Variants in ELOB observed in about 807,000 individuals in gnomAD.
ELOB encodes elongin B.
ELOB carries 3 observed loss-of-function variants against 12.9 expected under a neutral mutation model. That is an observed-to-expected ratio of 0.23 (90% CI 0.11 to 0.60). ELOB has a LOEUF of 0.60. ELOB is among the 20% of genes least tolerant of loss of function. The pLI, the probability that ELOB is intolerant of heterozygous loss-of-function variation, is 0.89. For missense variants in ELOB, 126 were observed against 159.2 expected (o/e 0.79, Z 1.12); for synonymous variants, 84 against 67.4 (o/e 1.25, Z -1.21).
intron 3 of ELOB, among the ~76,000 whole-genome samples, chr16:2,772,704 CA>C (rs545817204): frequency 5.0e-4 from 71 of 141,814 alleles, no homozygotes; most frequent in Non-Finnish European, 4.7e-4. Flanking sequence ...GACTCCATCT[CA>C]AAAAAAAAAA....
intron 3 of ELOB, among the ~76,000 whole-genome samples, chr16:2,772,910 G>A (rs2068774358): frequency 1.3e-5 from 2 of 152,004 alleles, no homozygotes; most frequent in African/African-American, 2.4e-5. Flanking sequence ...CCCAGCACTC[G>A]GAATGGCTGG....
chr16:2,773,767 G>C (rs3094785), intron 3 of ELOB, among the ~76,000 whole-genome samples: 121,075 of 152,140 alleles, frequency 0.8, 48,698 homozygotes, highest in Admixed American at 0.85. Flanking sequence ...CCTTAGCCTT[G>C]ATTTTCTCAT....
In ELOB at chr16:2,777,004, G is replaced by A. The variant is rs772040977; in HGVS notation, c.127C>T (p.Arg43Trp). ...GILKRPPDEQ[R>W]LYKDDQLLDD... The stretch of plus-strand genomic sequence containing the variant: ...CCCGCGGGACCCACCTTGTACAGCC[G>A]CTGCTCGTCAGGAGGCCGCTTGAGG... The change falls in exon 2 of 4, where the codon CGG becomes TGG. Residue 43 changes from arginine to tryptophan, a missense_variant. Coordinates refer to ENST00000409906, the MANE Select transcript of ELOB (RefSeq NM_007108.4). 1.3e-6 allele frequency: 2 copies of A among 1,586,598 alleles called. No individual in the cohort carries two copies. The highest frequency in any genetic ancestry group is 1.7e-6 in the Non-Finnish European group (2 of 1,168,592).
intron 2 of ELOB, among the ~76,000 whole-genome samples, chr16:2,776,384 C>A (rs1440153677): frequency 6.6e-6 from 1 of 152,198 alleles, no homozygotes; most frequent in East Asian, 1.9e-4. Context: ...AAATCAGAGG[C>A]TGATGCATCT....
chr16:2,775,653 GAGAGTTCCCTCAGTGTGGCC>G (rs1240534438), intron 2 of ELOB, 97 bp from the exon 3 acceptor site: 12 of 905,070 alleles, frequency 1.3e-5, no homozygotes, highest in Non-Finnish European at 2.0e-5. Flanking sequence ...GGAGGGAAGA[GAGAGTTCCCTCAGTGTGGCC>G]CAGGACCACC....
chr16:2,772,813 C>G (rs776479917), intron 3 of ELOB, among the ~76,000 whole-genome samples: 1 of 151,536 alleles, frequency 6.6e-6, no homozygotes, highest in Non-Finnish European at 1.5e-5. Flanking sequence ...CCGTCTGTCT[C>G]TCCCTCTGCT....
chr16:2,772,308 C>T, intron 3 of ELOB: 1 of 479,224 alleles, frequency 2.1e-6, no homozygotes, highest in South Asian at 3.7e-5. Flanking sequence ...TGGGCCCAAC[C>T]TGAAGGTCCC....
rs1164075879 is a variant in ELOB at position 2,775,448 on chromosome 16, C to T, written c.244+3G>A. The T allele has an allele frequency of 1.3e-6, 2 of 1,596,472 alleles. No homozygotes were observed. Among genetic ancestry groups the T allele is most frequent in the Non-Finnish European group, 1.7e-6 (2 of 1,177,634 alleles). On this transcript the variant is annotated splice_donor_region_variant and intron_variant, in intron 3 of 3. Coordinates refer to ENST00000409906, the MANE Select transcript of ELOB (RefSeq NM_007108.4). ...CCAGCCCAGTGGGTGGTGGGCCTCT[C>T]ACCTGCCCGGAAGGCCAGCCCCACT...
intron 2 of ELOB, among the ~76,000 whole-genome samples, 170 bp downstream of exon 2, chr16:2,776,823 C>CCGCGGCGAG (rs1470760473): frequency 6.6e-6 from 1 of 152,210 alleles, no homozygotes; most frequent in Non-Finnish European, 1.5e-5. Flanking sequence ...CCGGAGATCC[C>CCGCGGCGAG]CGCGGCGAGC....
rs529103886 is a variant in ELOB at position 2,774,232 on chromosome 16, AAAC to A, written c.244+1216_244+1218del. ...ACAACGGAGTGCGACTCTGTCTCAG[AAAC>A]AACAACAACAAAAATGCACCCATGT... On this transcript the variant is annotated intron_variant, in intron 3 of 3. Coordinates refer to ENST00000409906, the MANE Select transcript of ELOB (RefSeq NM_007108.4). Among the ~76,000 whole-genome samples the A allele has an allele frequency of 6.1e-3, 935 of 152,290 alleles. 5 individuals are homozygous for A. The highest frequency in any genetic ancestry group is 0.011 in the Admixed American group (171 of 15,306).
chr16:2,771,615 G>C lies in ELOB; in HGVS notation c.*375C>G, dbSNP rs773553329. On this transcript the variant is annotated 3_prime_UTR_variant, in exon 4 of 4. Transcript: ENST00000409906. ...GAGTGGACATGCAGGCTATGGGGGT[G>C]GGGGGCACTTAGAAGGAGAAAGGCC... is the stretch of plus-strand genomic sequence containing the variant. 2.5e-6 allele frequency: 4 copies of C among 1,613,752 alleles called. No homozygotes were observed. In the Admixed American group the frequency reaches 5.0e-5, roughly 20 times the overall value.
At chr16:2,776,686 G>A (rs1307900515) in intron 2 of ELOB, among the ~76,000 whole-genome samples, 1 of 152,240 alleles carries the variant, frequency 6.6e-6, no homozygotes, top group Admixed American at 6.5e-5. Flanking sequence ...CCTTTGGCTG[G>A]TTAAGCGACC....
intron 3 of ELOB, among the ~76,000 whole-genome samples, chr16:2,773,967 G>T (rs1258004562): frequency 2.6e-5 from 4 of 152,160 alleles, no homozygotes; most frequent in African/African-American, 9.6e-5. Flanking sequence ...CCGAGGCTCA[G>T]GCCTGTAATC....
chr16:2,771,825 T>A lies in ELOB; in HGVS notation c.*165A>T. 1 of 1,451,410 alleles carries A rather than the reference T, an allele frequency of 6.9e-7. No individual in the cohort carries two copies. Among genetic ancestry groups the A allele is most frequent in the Non-Finnish European group, 9.0e-7 (1 of 1,105,758 alleles). The allele number at this position is 1,451,410 out of a possible 1,614,324, so 89.9% of individuals were successfully genotyped here. On this transcript the variant is annotated 3_prime_UTR_variant, in exon 4 of 4. Transcript: ENST00000409906. ...GGCTGGGCCAAGTTCTCAGCCAGGG[T>A]CTCAGGATCTGGGAGACAGGACAGC... is the stretch of plus-strand genomic sequence containing the variant.
Position 2,772,118 on chromosome 16 carries a change from C to T in ELOB, c.245-16G>A, listed in dbSNP as rs1054650891. On this transcript the variant is annotated splice_polypyrimidine_tract_variant and intron_variant, in intron 3 of 3. Transcript: ENST00000409906. Reference sequence around the variant, plus strand: ...AAGGTGTCATCTGTGGAGGAAGCAGCAGAGCTGCAGGGGGGTATTCCAGCT... The same window carrying T: ...AAGGTGTCATCTGTGGAGGAAGCAGTAGAGCTGCAGGGGGGTATTCCAGCT... 4.9e-5 allele frequency: 78 copies of T among 1,584,334 alleles called. No individual in the cohort carries two copies. Among genetic ancestry groups the T allele is most frequent in the Non-Finnish European group, 6.3e-5 (73 of 1,163,588 alleles).
In ELOB at chr16:2,771,559, GCTTGTGTTTCTGCT is replaced by G; in HGVS notation, c.*417_*430del. The stretch of plus-strand genomic sequence containing the variant: ...CTGTCAAACCAGGACACTGGCTCCA[GCTTGTGTTTCTGCT>G]CTTGGCCATCGTCTGGGAGTGGACA... On this transcript the variant is annotated 3_prime_UTR_variant, in exon 4 of 4. Coordinates refer to ENST00000409906, the MANE Select transcript of ELOB (RefSeq NM_007108.4). The G allele has an allele frequency of 6.2e-7, 1 of 1,614,160 alleles. No individual in the cohort carries two copies. Among genetic ancestry groups the G allele is most frequent in the Non-Finnish European group, 8.5e-7 (1 of 1,180,026 alleles).
chr16:2,774,076 AAAG>A (rs761944864), intron 3 of ELOB, among the ~76,000 whole-genome samples: 122 of 152,312 alleles, frequency 8.0e-4, no homozygotes, highest in Admixed American at 2.4e-3. Flanking sequence ...CTAAAAACAC[AAAG>A]ATTAGCTGGG....
chr16:2,775,654 A>G, intron 2 of ELOB, 98 bp from the exon 3 acceptor site: 1 of 901,450 alleles, frequency 1.1e-6, no homozygotes. Context: ...GAGGGAAGAG[A>G]GAGTTCCCTC....
Position 2,771,654 on chromosome 16 carries a change from T to C in ELOB, c.*336A>G, listed in dbSNP as rs769988093. The C allele has an allele frequency of 1.2e-6, 2 of 1,611,616 alleles. No homozygotes were observed. The highest frequency in any genetic ancestry group is 1.7e-6 in the Non-Finnish European group (2 of 1,179,010). On this transcript the variant is annotated 3_prime_UTR_variant, in exon 4 of 4. Transcript: ENST00000409906. ...AGGAGAAAGGCCTAAAACTGGAATC[T>C]CTTGTCCCTGAGGCTGGCTCTGGTC...
Sources: allele counts gnomAD v4.1 joint callset (sites outside exome capture counted in the v4.1 genomes callset), GRCh38; gene constraint gnomAD v4.1.1; transcripts MANE v1.5; gene names NCBI Gene and HGNC (gene_info 2026-07-23, HGNC 2026-07-21).